The following UBE2E2 variants were observed in gnomAD, a reference collection of about 807,000 sequenced individuals.
UBE2E2 encodes the protein ubiquitin-conjugating enzyme E2 E2.
UBE2E2 carries 6 observed loss-of-function variants against 24.7 expected under a neutral mutation model. The ratio of observed to expected loss-of-function variants is 0.24; its 90% CI spans 0.13 to 0.48. The LOEUF is 0.48. Among genes scored for constraint, UBE2E2 ranks in the 20% least tolerant of loss-of-function variants. The pLI is 0.99. For synonymous variants in UBE2E2, 104 were observed against 83.6 expected (o/e 1.24, Z -1.33); for missense variants, 169 against 245.0 (o/e 0.69, Z 2.07).
intron 3 of UBE2E2, among the ~76,000 whole-genome samples, chr3:23,220,536 A>G (rs1053564714): frequency 5.9e-5 from 9 of 152,324 alleles, no homozygotes; most frequent in Middle Eastern, 3.4e-3. Flanking sequence ...AGTATTTCCT[A>G]TAAGTAGTGG....
At chr3:23,432,922 A>C (rs1199633084) in intron 3 of UBE2E2, among the ~76,000 whole-genome samples, 1 of 151,912 alleles carries the variant, frequency 6.6e-6, no homozygotes, top group Admixed American at 6.6e-5. Flanking sequence ...AAGAATAGAC[A>C]CTTCGATATC....
chr3:23,539,690 TTTTGACTG>T (rs1483570692), intron 5 of UBE2E2, among the ~76,000 whole-genome samples: 2 of 152,194 alleles, frequency 1.3e-5, no homozygotes, highest in Non-Finnish European at 2.9e-5. Context: ...TTCTGTTTCT[TTTTGACTG>T]TTACAGAGTT....
intron 3 of UBE2E2, among the ~76,000 whole-genome samples, chr3:23,262,812 T>C (rs1343463898): frequency 1.3e-5 from 2 of 152,210 alleles, no homozygotes. Flanking sequence ...GCTTTTGGTG[T>C]CACATCCAAA....
intron 3 of UBE2E2, among the ~76,000 whole-genome samples, chr3:23,303,043 G>T (rs557656979): frequency 1.5e-4 from 23 of 152,256 alleles, no homozygotes; most frequent in African/African-American, 5.3e-4. Context: ...CCTCATTGCT[G>T]GCATTACCGC....
chr3:23,551,369 C>G (rs898564833), intron 5 of UBE2E2, among the ~76,000 whole-genome samples: 6 of 152,250 alleles, frequency 3.9e-5, no homozygotes, highest in Admixed American at 3.9e-4. Flanking sequence ...AATGTGAATG[C>G]TTTAAGAATT....
chr3:23,411,834 T>C (rs1490105943), intron 3 of UBE2E2, among the ~76,000 whole-genome samples: 1 of 152,198 alleles, frequency 6.6e-6, no homozygotes, highest in Admixed American at 6.5e-5. Flanking sequence ...TGTTAGCTAT[T>C]GTTATAATTA....
intron 3 of UBE2E2, among the ~76,000 whole-genome samples, chr3:23,393,330 G>A (rs960712524): frequency 8.5e-5 from 13 of 152,330 alleles, no homozygotes; most frequent in Admixed American, 2.0e-4. Context: ...GATAAGTCAG[G>A]AAAGTGAGGG....
chr3:23,335,911 C>T (rs1160718932), intron 3 of UBE2E2, among the ~76,000 whole-genome samples: 3 of 152,140 alleles, frequency 2.0e-5, no homozygotes, highest in Admixed American at 2.0e-4. Context: ...TTTGACTTAG[C>T]TCTTTGCTCA....
chr3:23,272,068 G>A (rs1698258370), intron 3 of UBE2E2, among the ~76,000 whole-genome samples: 2 of 152,186 alleles, frequency 1.3e-5, no homozygotes, highest in African/African-American at 2.4e-5. Flanking sequence ...ACTGGGTGCC[G>A]TGGAGCAGGG....
chr3:23,528,603 C>G (rs369418077), intron 4 of UBE2E2, among the ~76,000 whole-genome samples: 2 of 152,170 alleles, frequency 1.3e-5, no homozygotes, highest in Non-Finnish European at 2.9e-5. Context: ...ACCTAGTTCC[C>G]GCCCCAAGGT....
At chr3:23,255,242 C>G (rs1231509677) in intron 3 of UBE2E2, among the ~76,000 whole-genome samples, 2 of 151,154 alleles carry the variant, frequency 1.3e-5, no homozygotes, top group Admixed American at 6.6e-5. Flanking sequence ...CACCACTGTG[C>G]CCCGCTAATT....
intron 3 of UBE2E2, among the ~76,000 whole-genome samples, chr3:23,321,889 G>T (rs1005238244): frequency 6.6e-6 from 1 of 151,772 alleles, no homozygotes; most frequent in Non-Finnish European, 1.5e-5. Context: ...CCACCTTCCA[G>T]TGTAGAGATT....
At chr3:23,228,872 C>T (rs1696896525) in intron 3 of UBE2E2, among the ~76,000 whole-genome samples, 1 of 152,142 alleles carries the variant, frequency 6.6e-6, no homozygotes, top group Admixed American at 6.6e-5. Flanking sequence ...AGACTCTCTC[C>T]ACACACTTTC....
At chr3:23,388,797 G>A (rs560240491) in intron 3 of UBE2E2, among the ~76,000 whole-genome samples, 2 of 152,116 alleles carry the variant, frequency 1.3e-5, no homozygotes, top group South Asian at 4.2e-4. Context: ...ATGAGGTCAG[G>A]AGTTCAAGAC....
At chr3:23,250,346 A>C (rs1395936570) in intron 3 of UBE2E2, among the ~76,000 whole-genome samples, 1 of 152,194 alleles carries the variant, frequency 6.6e-6, no homozygotes, top group Non-Finnish European at 1.5e-5. Context: ...CAGTTCCTTG[A>C]AGTGGCTGCT....
At chr3:23,264,243 A>G (rs1697981303) in intron 3 of UBE2E2, among the ~76,000 whole-genome samples, 1 of 151,540 alleles carries the variant, frequency 6.6e-6, no homozygotes, top group African/African-American at 2.4e-5. Flanking sequence ...AAGTGTCCCA[A>G]GTGGAAGAGA....
At chr3:23,347,558 TG>T (rs1695599168) in intron 3 of UBE2E2, among the ~76,000 whole-genome samples, 1 of 150,516 alleles carries the variant, frequency 6.6e-6, no homozygotes, top group East Asian at 1.9e-4. Context: ...TGTTGTGGGG[TG>T]GGGGCCTGGG....
intron 3 of UBE2E2, among the ~76,000 whole-genome samples, chr3:23,321,190 T>C (rs1694728472): frequency 6.6e-6 from 1 of 152,238 alleles, no homozygotes; most frequent in South Asian, 2.1e-4. Flanking sequence ...CTTACAAGGA[T>C]ATCAGTCATA....
At chr3:23,458,905 C>T (rs1386775870) in intron 3 of UBE2E2, among the ~76,000 whole-genome samples, 3 of 152,046 alleles carry the variant, frequency 2.0e-5, no homozygotes, top group Non-Finnish European at 4.4e-5. Context: ...TAAGAAGCAC[C>T]GTAAAACAAA....
Sources: allele counts gnomAD v4.1 joint callset (sites outside exome capture counted in the v4.1 genomes callset), GRCh38; gene constraint gnomAD v4.1.1; transcripts MANE v1.5; gene names NCBI Gene and HGNC (gene_info 2026-07-23, HGNC 2026-07-21).